The following KMT2A variants were observed in gnomAD, a reference collection of about 807,000 sequenced individuals.
The protein encoded by KMT2A is lysine methyltransferase 2A.
A neutral mutation model predicts 345.3 loss-of-function variants in KMT2A; 16 were observed. The ratio of observed to expected loss-of-function variants is 0.05; its 90% CI spans 0.03 to 0.07. KMT2A has a LOEUF of 0.07. Among genes scored for constraint, KMT2A ranks in the 10% least tolerant of loss-of-function variants. The pLI is 1.00. For missense variants in KMT2A, 3,272 were observed against 4,841.6 expected (o/e 0.68, Z 9.62); for synonymous variants, 1,599 against 1,778.6 (o/e 0.90, Z 2.54).
chr11:118,459,846 C>T (rs1340656618), intron 1 of KMT2A, among the ~76,000 whole-genome samples: 1 of 150,758 alleles, frequency 6.6e-6, no homozygotes, highest in Non-Finnish European at 1.5e-5. Context: ...ACTACCACGC[C>T]CGGCTAATTT....
intron 1 of KMT2A, chr11:118,450,354 CTT>C (rs1456713449): frequency 1.3e-5 from 2 of 152,054 alleles, no homozygotes; most frequent in African/African-American, 4.8e-5. Context: ...ATGACTACCT[CTT>C]TTTCTGAAGC....
rs1555035567 is a variant in KMT2A at position 118,471,787 on chromosome 11, A to G, written c.628A>G (p.Ile210Val). The G allele has an allele frequency of 1.9e-6, 3 of 1,613,658 alleles. No homozygotes were observed. The highest frequency in any genetic ancestry group is 2.5e-6 in the Non-Finnish European group (3 of 1,179,806). ...NKSETKSGDKIKKKDSKSIEK... is the reference protein window; with the variant it reads ...NKSETKSGDKVKKKDSKSIEK... ...ATCAGAGACCAAATCTGGAGATAAGATCAAGAAGAAAGATTCTAAAAGTAT... is the reference window on the plus strand; with the variant it reads ...ATCAGAGACCAAATCTGGAGATAAGGTCAAGAAGAAAGATTCTAAAAGTAT... Residue 210 changes from isoleucine to valine, a missense_variant, in exon 3 of 36, where the codon ATC (isoleucine) becomes GTC (valine). Physicochemically the swap from Ile to Val is conservative, Grantham distance 29 (BLOSUM62 3). Transcript: ENST00000534358.
intron 1 of KMT2A, among the ~76,000 whole-genome samples, chr11:118,445,242 T>G (rs1555026844): frequency 6.6e-6 from 1 of 152,146 alleles, no homozygotes; most frequent in Non-Finnish European, 1.5e-5. Context: ...GGTAACAACA[T>G]TAGTGTCCAA....
chr11:118,478,927 T>C (rs1219209201), intron 5 of KMT2A, among the ~76,000 whole-genome samples: 2 of 152,192 alleles, frequency 1.3e-5, no homozygotes, highest in South Asian at 2.1e-4. Flanking sequence ...TGGCCTCATA[T>C]GAAATTTCTT....
rs2135284148 is a variant in KMT2A, at chr11:118,519,787, C to T, written c.11316C>T (p.His3772=). The T allele has an allele frequency of 6.2e-7, 1 of 1,610,714 alleles. No individual in the cohort carries two copies. Among genetic ancestry groups the T allele is most frequent in the Non-Finnish European group, 8.5e-7 (1 of 1,177,020 alleles). Residue 3772 remains histidine (H), a synonymous_variant, in exon 32 of 36, where the codon CAC becomes CAT. Transcript: ENST00000534358. The stretch of plus-strand genomic sequence containing the variant: ...ACGGCTCAGCCAGGGCTGAAGTCCA[C>T]CTCAGGCAAGTTCCCTTCTTTTCTG... ...NPHGSARAEV[H]LRKSAFDMFN...
rs1950422601 is a variant in KMT2A at position 118,497,129 on chromosome 11, C to T, written c.5664+762C>T. Among the ~76,000 whole-genome samples, 1 of 152,086 alleles carries T rather than the reference C, an allele frequency of 6.6e-6. No homozygotes were observed. The highest frequency in any genetic ancestry group is 6.5e-5 in the Admixed American group (1 of 15,288). ...AAGCAATTCTCCTGCCTCAGCCTCC[C>T]GAGTAGCTGGGATTACAGGCATGTG... On this transcript the variant is annotated intron_variant, in intron 20 of 35. Coordinates refer to ENST00000534358, the MANE Select transcript of KMT2A (RefSeq NM_001197104.2). This position sits in a 1 kb window ranked among gnomAD's most constrained non-coding sequence, Gnocchi z 4.8.
chr11:118,486,169 A>C (rs1555040825), intron 10 of KMT2A, among the ~76,000 whole-genome samples: 1 of 152,230 alleles, frequency 6.6e-6, no homozygotes, highest in Non-Finnish European at 1.5e-5. Flanking sequence ...GTTGGTGCAA[A>C]AGTAATTGCA....
At chr11:118,471,636 CT>C in intron 2 of KMT2A, 25 bp from the exon 3 acceptor site, 4 of 1,480,302 alleles carry the variant, frequency 2.7e-6, no homozygotes, top group Non-Finnish European at 3.6e-6. Flanking sequence ...AATATATGCT[CT>C]TCATTGTTTA....
chr11:118,494,365 A>G lies in KMT2A; in HGVS notation c.5256A>G (p.Lys1752=), dbSNP rs1555043352. The G allele has an allele frequency of 6.2e-7, 1 of 1,604,870 alleles. No homozygotes were observed. The highest frequency in any genetic ancestry group is 1.1e-5 in the South Asian group (1 of 90,872). Residue 1752 remains lysine (K), a synonymous_variant, in exon 17 of 36, where the codon AAA becomes AAG. Transcript: ENST00000534358. The surrounding 1 kb of genome is among the most constrained non-coding windows in gnomAD (Gnocchi z 5.8). The part of the protein sequence containing the change: ...NSDGGQPEIK[K]ANSMVKSFFI... ...ATGGAGGACAGCCAGAAATTAAAAA[A>G]GCCAACAGCATGGTCAAGTCCTTCT...
Position 118,472,751 on chromosome 11 carries a change from A to T in KMT2A, c.1592A>T (p.Tyr531Phe). The T allele has an allele frequency of 6.2e-7, 1 of 1,613,766 alleles. No homozygotes were observed. The highest frequency in any genetic ancestry group is 8.5e-7 in the Non-Finnish European group (1 of 1,179,980). The change falls in exon 3 of 36, where the codon TAT becomes TTT. Residue 531 changes from tyrosine to phenylalanine, a missense_variant. Physicochemically the swap from Tyr to Phe is conservative, Grantham distance 22. This residue lies in a region of KMT2A where 180 missense variants were observed against 190.7 expected (regional missense o/e 0.94). Coordinates refer to ENST00000534358, the MANE Select transcript of KMT2A (RefSeq NM_001197104.2). ...NESNDRRSRR[Y>F]SVSERSFGSR... Reference sequence around the variant, plus strand: ...AGTAATGATAGGAGAAGCAGAAGGTATTCAGTGTCGGAGAGAAGTTTTGGA... The same window carrying T: ...AGTAATGATAGGAGAAGCAGAAGGTTTTCAGTGTCGGAGAGAAGTTTTGGA...
At chr11:118,485,060 AT>A (rs1399458864) in intron 10 of KMT2A, 85 bp downstream of exon 10, 13 of 835,950 alleles carry the variant, frequency 1.6e-5, no homozygotes, top group Non-Finnish European at 2.4e-5. Context: ...TTTTGTTGGT[AT>A]TTAGCAGGTA....
rs1555036613 is a variant in KMT2A, at chr11:118,473,686, T to A, written c.2527T>A (p.Ser843Thr). 1 of 1,614,012 alleles carries A rather than the reference T, an allele frequency of 6.2e-7. No individual in the cohort carries two copies. The change falls in exon 3 of 36, where the codon TCT becomes ACT. Residue 843 changes from serine to threonine, a missense_variant. Physicochemically the swap from Ser to Thr is moderately conservative, Grantham distance 58. Transcript: ENST00000534358. This position sits in a 1 kb window ranked among gnomAD's most constrained non-coding sequence, Gnocchi z 5.2. ...TPLFPWFTPG[S>T]QTERGRNKDK... is the part of the protein sequence containing the mutation. ...TCTCTTCCCTTGGTTTACCCCAGGC[T>A]CTCAGACTGAAAGAGGGAGAAATAA...
chr11:118,504,502 A>G lies in KMT2A; in HGVS notation c.8610A>G (p.Pro2870=). The part of the protein sequence containing the change: ...TPSMQALGES[P]ESSSSELLNL... ...CCATGCAGGCTTTGGGTGAGAGCCC[A>G]GAGTCATCTTCATCAGAACTCCTGA... Residue 2870 remains proline, a synonymous_variant, in exon 27 of 36, where the codon CCA becomes CCG. Transcript: ENST00000534358. This position sits in a 1 kb window ranked among gnomAD's most constrained non-coding sequence, Gnocchi z 6.4. 6.2e-7 allele frequency: 1 copy of G among 1,614,246 alleles called. No homozygotes were observed. The highest frequency in any genetic ancestry group is 1.3e-5 in the African/African-American group (1 of 75,070).
At chr11:118,458,304 G>C (rs1247698992) in intron 1 of KMT2A, 1 of 195,512 alleles carries the variant, frequency 5.1e-6, no homozygotes, top group Non-Finnish European at 1.1e-5. Flanking sequence ...AACTAGGCTG[G>C]TCTACAACTC....
Position 118,506,508 on chromosome 11 carries a change from C to T in KMT2A, c.10616C>T (p.Pro3539Leu). The T allele has an allele frequency of 6.2e-7, 1 of 1,614,178 alleles. No individual in the cohort carries two copies. Residue 3539 changes from proline to leucine, a missense_variant, in exon 27 of 36, where the codon CCC (proline) becomes CTC (leucine). Transcript: ENST00000534358. ...ASPSVPGPTK[P>L]KPKTKRFQLP... ...CCTTCAGTGCCGGGTCCCACTAAAC[C>T]CAAACCAAAAACCAAACGGTTTCAG...
chr11:118,462,679 C>T (rs534370076), intron 1 of KMT2A, among the ~76,000 whole-genome samples: 1 of 152,314 alleles, frequency 6.6e-6, no homozygotes, highest in African/African-American at 2.4e-5. Flanking sequence ...CTGCCTCAGC[C>T]TCCTGAGTAG....
intron 5 of KMT2A, among the ~76,000 whole-genome samples, chr11:118,478,628 G>A (rs1216366103): frequency 6.6e-6 from 1 of 152,064 alleles, no homozygotes; most frequent in African/African-American, 2.4e-5. Flanking sequence ...ACAACTTTAT[G>A]TATAATTTTT....
chr11:118,514,304 G>A (rs981840072), intron 31 of KMT2A, among the ~76,000 whole-genome samples: 12 of 152,128 alleles, frequency 7.9e-5, no homozygotes, highest in Admixed American at 2.0e-4. Flanking sequence ...TCCTGTCTAC[G>A]GATCCTTACA....
At chr11:118,511,840 G>T in intron 30 of KMT2A, 111 bp from the exon 31 acceptor site, 1 of 830,700 alleles carries the variant, frequency 1.2e-6, no homozygotes. Flanking sequence ...CTCTAGGAGG[G>T]CAAGTGTTCA....
Sources: allele counts gnomAD v4.1 joint callset (sites outside exome capture counted in the v4.1 genomes callset), GRCh38; gene constraint gnomAD v4.1.1; regional missense constraint gnomAD v4.1.1; non-coding constraint Gnocchi (gnomAD v3.1); transcripts MANE v1.5; gene names NCBI Gene and HGNC (gene_info 2026-07-23, HGNC 2026-07-21).